Variants in SAMD5 observed in about 807,000 individuals in gnomAD.
SAMD5 encodes sterile alpha motif domain-containing protein 5.
A neutral mutation model predicts 11.3 loss-of-function variants in SAMD5; 13 were observed. The observed-to-expected ratio is 1.15, with a 90% CI of 0.75 to 1.83. The LOEUF (loss-of-function observed/expected upper bound fraction) is 1.83, where lower values mean the gene tolerates loss of function less well. Ranked by LOEUF, SAMD5 falls within the 40% of genes most tolerant of loss-of-function variation. The pLI is 0.00. For missense variants in SAMD5, 255 were observed against 239.1 expected (o/e 1.07, Z -0.44); for synonymous variants, 129 against 111.3 (o/e 1.16, Z -1.00).
At chr6:147,825,923 G>A in the SAMD5 span, among the ~76,000 whole-genome samples, 2 of 152,064 alleles carry the variant, frequency 1.3e-5, no homozygotes, top group Non-Finnish European at 2.9e-5. Context: ...AGTAAATATT[G>A]GATTTTATTA....
intron 1 of SAMD5, among the ~76,000 whole-genome samples, chr6:147,734,185 T>G (rs554745406): frequency 1.5e-4 from 23 of 152,324 alleles, no homozygotes; most frequent in Admixed American, 1.0e-3. Flanking sequence ...GTTTTAGTTT[T>G]TATGTGTTGC....
intron 1 of SAMD5, among the ~76,000 whole-genome samples, chr6:147,627,946 G>T (rs962791210): frequency 1.3e-5 from 2 of 152,176 alleles, no homozygotes; most frequent in Non-Finnish European, 2.9e-5. Flanking sequence ...TGTGTGAAAG[G>T]GTTAATAATA....
chr6:147,819,007 A>G, the SAMD5 span, among the ~76,000 whole-genome samples: 18 of 152,296 alleles, frequency 1.2e-4, no homozygotes, highest in South Asian at 1.2e-3. Flanking sequence ...AAATCGTTCT[A>G]CCATAAAGAC....
intron 1 of SAMD5, among the ~76,000 whole-genome samples, chr6:147,625,946 C>T (rs1363161310): frequency 6.6e-6 from 1 of 152,110 alleles, no homozygotes; most frequent in Non-Finnish European, 1.5e-5. Flanking sequence ...TCATGACAAT[C>T]CCGTTCATGC....
At chr6:147,699,599 C>A (rs967168995) in intron 1 of SAMD5, among the ~76,000 whole-genome samples, 3 of 152,136 alleles carry the variant, frequency 2.0e-5, no homozygotes, top group Non-Finnish European at 2.9e-5. Flanking sequence ...AACTAAGAGT[C>A]CTGATCTTTA....
At chr6:147,920,665 A>G in the SAMD5 span, among the ~76,000 whole-genome samples, 2 of 152,182 alleles carry the variant, frequency 1.3e-5, no homozygotes, top group Non-Finnish European at 2.9e-5. Context: ...AAAAATAATC[A>G]TCTGGAGCCA....
chr6:147,774,881 C>T, the SAMD5 span, among the ~76,000 whole-genome samples: 1 of 152,122 alleles, frequency 6.6e-6, no homozygotes, highest in African/African-American at 2.4e-5. Flanking sequence ...CCCACCTCCT[C>T]TTCACACACA....
At chr6:147,785,348 T>C in the SAMD5 span, among the ~76,000 whole-genome samples, 11 of 152,304 alleles carry the variant, frequency 7.2e-5, no homozygotes, top group Middle Eastern at 6.8e-3. Flanking sequence ...TCCCCGACAC[T>C]GTGCTTTACC....
At chr6:147,889,735 C>T in the SAMD5 span, among the ~76,000 whole-genome samples, 6,692 of 152,310 alleles carry the variant, frequency 0.044, 190 homozygotes, top group Middle Eastern at 0.054. Context: ...ACACACACTA[C>T]TCCTGGGCTC....
chr6:147,877,511 T>G, the SAMD5 span, among the ~76,000 whole-genome samples: 2 of 152,172 alleles, frequency 1.3e-5, no homozygotes, highest in African/African-American at 4.8e-5. Context: ...TTTTGACAAG[T>G]GCAATGATTA....
chr6:147,737,258 C>T, intron 1 of SAMD5: 2 of 1,059,084 alleles, frequency 1.9e-6, no homozygotes, highest in Admixed American at 3.1e-5. Context: ...CGTGCTTTTT[C>T]ACTATGATTT....
At chr6:147,755,407 T>C in the SAMD5 span, among the ~76,000 whole-genome samples, 2 of 152,114 alleles carry the variant, frequency 1.3e-5, no homozygotes, top group African/African-American at 4.8e-5. Flanking sequence ...AAAGCAATCT[T>C]CAGCATAAAA....
At position 147,700,051 on chromosome 6, in the gene SAMD5, G is replaced by C. The variant is rs556571033; in HGVS notation, c.163-37266G>C. On this transcript the variant is annotated intron_variant, in intron 1 of 1. Coordinates refer to the SAMD5 transcript ENST00000566741. ...ATCTATGCTCTGGGAGGAAATCGAA[G>C]GCCTCAGATCTGAAAGAGAATTTAG... is the stretch of plus-strand genomic sequence containing the variant. Among the ~76,000 whole-genome samples, 120 of 152,170 alleles carry C rather than the reference G, an allele frequency of 7.9e-4. 1 individual carries two copies. Among genetic ancestry groups the C allele is most frequent in the Non-Finnish European group, 1.3e-3 (91 of 68,002 alleles).
intron 1 of SAMD5, among the ~76,000 whole-genome samples, chr6:147,518,851 C>G (rs1458048192): frequency 6.6e-6 from 1 of 152,156 alleles, no homozygotes; most frequent in Non-Finnish European, 1.5e-5. Flanking sequence ...CTGATTTGGA[C>G]TTGGGGAGGC....
chr6:147,825,801 TTTAC>T, the SAMD5 span, among the ~76,000 whole-genome samples: 2 of 152,244 alleles, frequency 1.3e-5, no homozygotes, highest in Admixed American at 1.3e-4. Flanking sequence ...TTCACATAGA[TTTAC>T]TTATTCATGT....
At chr6:147,645,255 T>C (rs569744589) in intron 1 of SAMD5, among the ~76,000 whole-genome samples, 6 of 152,276 alleles carry the variant, frequency 3.9e-5, no homozygotes, top group African/African-American at 1.4e-4. Context: ...TCACTGGGCC[T>C]GACATATTTC....
intron 1 of SAMD5, among the ~76,000 whole-genome samples, chr6:147,553,340 T>C (rs1038408064): frequency 6.6e-6 from 1 of 152,202 alleles, no homozygotes; most frequent in Non-Finnish European, 1.5e-5. Flanking sequence ...GAGGACTTCA[T>C]GTCTGTCCTG....
chr6:147,921,345 G>C, the SAMD5 span, among the ~76,000 whole-genome samples: 1 of 147,684 alleles, frequency 6.8e-6, no homozygotes, highest in East Asian at 2.0e-4. Context: ...AAACAGGTAA[G>C]TCTTACCAAA....
At chr6:147,595,238 GAAT>G (rs1448571298) in intron 1 of SAMD5, among the ~76,000 whole-genome samples, 2 of 152,022 alleles carry the variant, frequency 1.3e-5, no homozygotes, top group Admixed American at 1.3e-4. Flanking sequence ...CTATTTTTCA[GAAT>G]AATGACAATA....
Sources: allele counts gnomAD v4.1 joint callset (sites outside exome capture counted in the v4.1 genomes callset), GRCh38; gene constraint gnomAD v4.1.1; transcripts MANE v1.5; gene names NCBI Gene and HGNC (gene_info 2026-07-23, HGNC 2026-07-21).